CCDC74A: variants seen among roughly 807,000 people sequenced by gnomAD.
CCDC74A encodes the protein coiled-coil domain containing 74A.
CCDC74A carries 38 observed loss-of-function variants against 37.6 expected under a neutral mutation model. The ratio of observed to expected loss-of-function variants is 1.01; its 90% CI spans 0.78 to 1.33. The LOEUF (loss-of-function observed/expected upper bound fraction) is 1.33, where lower values mean the gene tolerates loss of function less well. Ranked by LOEUF, CCDC74A falls within the 40% of genes most tolerant of loss-of-function variation. The pLI, the probability that CCDC74A is intolerant of heterozygous loss-of-function variation, is 0.00. For missense variants in CCDC74A, 340 were observed against 403.4 expected (o/e 0.84, Z 1.35); for synonymous variants, 134 against 165.2 (o/e 0.81, Z 1.45).
chr2:131,530,851 C>G, intron 3 of CCDC74A, 24 bp downstream of exon 3: 1 of 1,606,976 alleles, frequency 6.2e-7, no homozygotes, highest in Non-Finnish European at 8.5e-7. Flanking sequence ...CGTCCATGTG[C>G]TCACAGGGGT....
rs750083391 is a variant in CCDC74A at position 131,528,053 on chromosome 2, C to T, written c.83C>T (p.Ser28Phe). The T allele has an allele frequency of 4.5e-6, 7 of 1,561,014 alleles. No homozygotes were observed. In the East Asian group the frequency reaches 1.4e-4, roughly 30 times the overall value. Residue 28 changes from serine to phenylalanine, a missense_variant, in exon 1 of 8, where the codon TCT becomes TTT. This residue lies in a region of CCDC74A where 154 missense variants were observed against 153.9 expected (regional missense o/e 1.00). Transcript: ENST00000409856. ...PGSRRRRQRP[S>F]VGVQSLRPQS... ...TCTCGGCGCCGGCGCCAGCGCCCCTCTGTGGGCGTCCAGTCCTTGAGGCCG... is the reference window on the plus strand; with the variant it reads ...TCTCGGCGCCGGCGCCAGCGCCCCTTTGTGGGCGTCCAGTCCTTGAGGCCG...
At chr2:131,528,262 G>A (rs753053443) in intron 1 of CCDC74A, 42 bp downstream of exon 1, 18 of 1,604,272 alleles carry the variant, frequency 1.1e-5, no homozygotes, top group African/African-American at 2.7e-5. Flanking sequence ...GCCTCCCCAG[G>A]CACACTCAAC....
At chr2:131,524,322 T>G (rs561219215), upstream of CCDC74A, among the ~76,000 whole-genome samples, 20 of 152,264 alleles carry the variant, frequency 1.3e-4, no homozygotes, top group East Asian at 2.1e-3. Flanking sequence ...GGGTGGACTT[T>G]TGATGGTTAA....
At chr2:131,529,278 C>T (rs1261040708) in intron 1 of CCDC74A, 11 of 442,730 alleles carry the variant, frequency 2.5e-5, no homozygotes, top group Non-Finnish European at 4.2e-5. Context: ...CTAATGTCTT[C>T]TTGAGCCTCC....
chr2:131,525,960 C>T (rs189510927), upstream of CCDC74A, among the ~76,000 whole-genome samples: 9 of 151,144 alleles, frequency 6.0e-5, no homozygotes, highest in Admixed American at 1.3e-4. Flanking sequence ...CCTCGTGATC[C>T]GCCCGCCTCG....
chr2:131,531,004 G>T (rs960863030), intron 3 of CCDC74A, among the ~76,000 whole-genome samples, 177 bp downstream of exon 3: 11 of 151,008 alleles, frequency 7.3e-5, no homozygotes, highest in Admixed American at 3.9e-4. Context: ...GGGGATTAAG[G>T]GGGGGTGGGC....
At chr2:131,527,475 C>T (rs147885029), upstream of CCDC74A, among the ~76,000 whole-genome samples, 103 of 152,162 alleles carry the variant, frequency 6.8e-4, 1 homozygote, top group African/African-American at 2.3e-3. Context: ...ACTTTCCATT[C>T]AGGCTGGAAA....
chr2:131,528,825 A>G, intron 1 of CCDC74A, among the ~76,000 whole-genome samples: 1 of 152,126 alleles, frequency 6.6e-6, no homozygotes, highest in Admixed American at 6.5e-5. Context: ...AAACAAAAAC[A>G]AAAACTTTAT....
At position 131,528,258 on chromosome 2, in the gene CCDC74A, C is replaced by T. The variant is rs571441705; in HGVS notation, c.250+38C>T. On this transcript the variant is annotated intron_variant, in intron 1 of 7. Transcript: ENST00000409856. ...GGGGCCCTAGGCCGGCCCTGCCTCC[C>T]CAGGCACACTCAACACTGCCGCTCC... The T allele has an allele frequency of 2.5e-4, 400 of 1,605,926 alleles. 1 individual carries two copies. The highest frequency in any genetic ancestry group is 2.2e-4 in the Non-Finnish European group (258 of 1,176,630).
intron 2 of CCDC74A, chr2:131,530,339 A>G (rs750759095): frequency 2.8e-5 from 43 of 1,543,852 alleles, no homozygotes; most frequent in Non-Finnish European, 3.7e-5. Flanking sequence ...CAGCCTGGGA[A>G]CATCGCAGCT....
upstream of CCDC74A, among the ~76,000 whole-genome samples, chr2:131,523,751 A>G (rs912695803): frequency 2.6e-5 from 4 of 152,232 alleles, no homozygotes; most frequent in African/African-American, 9.6e-5. Flanking sequence ...TCAACTTCCC[A>G]GGCATGTGCA....
In CCDC74A at chr2:131,528,088, C is replaced by T; in HGVS notation, c.118C>T (p.Gln40Ter). The T allele has an allele frequency of 6.2e-7, 1 of 1,612,918 alleles. No homozygotes were observed. The highest frequency in any genetic ancestry group is 8.5e-7 in the Non-Finnish European group (1 of 1,179,642). Residue 40 changes from glutamine (Q) to a stop codon, truncating the protein, a stop_gained, in exon 1 of 8, where the codon CAG (glutamine) becomes TAG (stop). Coordinates refer to ENST00000409856, the MANE Select transcript of CCDC74A (RefSeq NM_001258306.3). LOFTEE classifies it high-confidence loss of function. ...CCAGTCCTTGAGGCCGCAGAGCCCG[C>T]AGCTCAGGCAGAGCGACCCGCAGAA... Reference protein sequence around the residue: ...GVQSLRPQSPQLRQSDPQKRN... With the variant: ...GVQSLRPQSP
Position 131,532,886 on chromosome 2 carries a change from TGGAA to T in CCDC74A, c.704_707del (p.Glu235GlyfsTer36). ...CAGCTGCGGCACCTCAAGTCCCTCC[TGGAA>T]GGGAGCCAGAGGCCCCAGGCAGCCC... On this transcript the variant is annotated frameshift_variant, in exon 6 of 8. Transcript: ENST00000409856. LOFTEE classifies it high-confidence loss of function. 2 of 1,613,498 alleles carry T rather than the reference TGGAA, an allele frequency of 1.2e-6. No homozygotes were observed. Among genetic ancestry groups the T allele is most frequent in the Non-Finnish European group, 1.7e-6 (2 of 1,179,664 alleles).
At chr2:131,529,245 T>G in intron 1 of CCDC74A, 1 of 353,312 alleles carries the variant, frequency 2.8e-6, no homozygotes, top group South Asian at 3.3e-5. Flanking sequence ...CCATGTCTTC[T>G]TGAGCCTCAG....
chr2:131,528,277 C>T (rs1455707132), intron 1 of CCDC74A, 57 bp downstream of exon 1: 8 of 1,593,602 alleles, frequency 5.0e-6, no homozygotes, highest in African/African-American at 1.3e-5. Context: ...CTCAACACTG[C>T]CGCTCCCGCA....
Position 131,527,926 on chromosome 2 carries a change from G to A in CCDC74A, c.-45G>A. On this transcript the variant is annotated 5_prime_UTR_variant, in exon 1 of 8. Transcript: ENST00000409856. ...GCCAGGCTAGGGCGGCCTGGCCACT[G>A]AGCCGGGGTGCAGTGGCAGCGGGAG... 7.1e-7 allele frequency: 1 copy of A among 1,410,924 alleles called. No homozygotes were observed. Among genetic ancestry groups the A allele is most frequent in the Non-Finnish European group, 9.3e-7 (1 of 1,080,240 alleles). 87.4% of individuals were successfully genotyped at this position (1,410,924 alleles called of 1,614,324 possible).
intron 7 of CCDC74A, 38 bp from the exon 8 acceptor site, chr2:131,533,231 G>A (rs555951233): frequency 8.1e-6 from 13 of 1,611,084 alleles, no homozygotes; most frequent in Admixed American, 5.0e-5. Context: ...CTCCACTCCC[G>A]GGGATGCTCA....
At chr2:131,530,552 T>G in intron 2 of CCDC74A, 1 of 1,597,240 alleles carries the variant, frequency 6.3e-7, no homozygotes, top group South Asian at 1.1e-5. Context: ...TGCTGTTCCA[T>G]GTGTCCCAAG....
rs1187989854 is a variant in CCDC74A, at chr2:131,533,511, A to G, written c.*113A>G. 3.3e-5 allele frequency: 47 copies of G among 1,431,228 alleles called. 1 individual carries two copies. Among genetic ancestry groups the G allele is most frequent in the Middle Eastern group, 4.9e-4 (2 of 4,068 alleles). 88.7% of individuals were successfully genotyped at this position (1,431,228 alleles called of 1,614,324 possible). A position where few individuals can be genotyped will look rare whatever the true frequency, so the allele number is the denominator to read the frequency against. Reference sequence around the variant, plus strand: ...TAGGCCTGGCTAAATTCCAAGACAGATAACACTCAAGATAGATAAAGTACT... The same window carrying G: ...TAGGCCTGGCTAAATTCCAAGACAGGTAACACTCAAGATAGATAAAGTACT... On this transcript the variant is annotated 3_prime_UTR_variant, in exon 8 of 8. Transcript: ENST00000409856.
Sources: gnomAD v4.1 joint callset for allele counts (sites outside exome capture counted in the v4.1 genomes callset) on GRCh38, gnomAD v4.1.1 for gene constraint, gnomAD v4.1.1 regional missense constraint, MANE v1.5 for transcripts, NCBI Gene and HGNC (gene_info 2026-07-23, HGNC 2026-07-21) for gene names.